The following BAIAP2 variants were observed in gnomAD, a reference collection of about 807,000 sequenced individuals.
BAIAP2 encodes the protein BAR/IMD domain containing adaptor protein 2.
BAIAP2 carries 18 observed loss-of-function variants against 63.0 expected under a neutral mutation model. The ratio of observed to expected loss-of-function variants is 0.29; its 90% confidence interval spans 0.20 to 0.42. BAIAP2 has a LOEUF of 0.42. Among genes scored for constraint, BAIAP2 ranks in the 10% least tolerant of loss-of-function variants. The pLI is 1.00. For synonymous variants in BAIAP2, 386 were observed against 307.6 expected (o/e 1.25, Z -2.67); for missense variants, 610 against 734.3 (o/e 0.83, Z 1.96).
chr17:81,062,561 C>T (rs550539531), intron 3 of BAIAP2, among the ~76,000 whole-genome samples: 2 of 152,246 alleles, frequency 1.3e-5, no homozygotes, highest in African/African-American at 2.4e-5. Flanking sequence ...CCTGCTCCCT[C>T]GTGGGCTGCT....
chr17:81,082,384 G>C (rs565550325), intron 3 of BAIAP2, among the ~76,000 whole-genome samples: 1 of 152,148 alleles, frequency 6.6e-6, no homozygotes, highest in Non-Finnish European at 1.5e-5. Flanking sequence ...CCCTCTTCAC[G>C]GTGGCCAGGC....
chr17:81,110,645 T>A, intron 13 of BAIAP2: 1 of 1,356,164 alleles, frequency 7.4e-7, no homozygotes, highest in Non-Finnish European at 9.6e-7. Flanking sequence ...TTGCACACGG[T>A]GCTGGCCCCA....
chr17:81,084,840 C>A lies in BAIAP2; in HGVS notation c.226C>A (p.Leu76Ile). Residue 76 changes from leucine to isoleucine, a missense_variant, in exon 4 of 14, where the codon CTC (leucine) becomes ATC (isoleucine). By Grantham distance (5) the Leu-to-Ile change is conservative. Around this residue, in one of 5 missense-constraint regions of BAIAP2, gnomAD observed 389 missense variants for 455.6 expected, o/e 0.85. Transcript: ENST00000428708. ...GCTGTTCTGCTTCCCAGGAGACGTT[C>A]TCTTCCAGATGGCTGAAGTCCACAG... ...SQGSKELGDV[L>I]FQMAEVHRQI... 6.2e-7 allele frequency: 1 copy of A among 1,613,826 alleles called. No homozygotes were observed. Among genetic ancestry groups the A allele is most frequent in the South Asian group, 1.1e-5 (1 of 91,086 alleles).
At chr17:81,036,961 G>T in intron 1 of BAIAP2, 3 of 1,535,748 alleles carry the variant, frequency 2.0e-6, no homozygotes, top group Non-Finnish European at 2.6e-6. Flanking sequence ...GTTGGCAGGG[G>T]GTGAGTACAT....
rs549618357 is a variant in BAIAP2, at chr17:81,106,737, C to T, written c.1338-8C>T. ...TGCTGGGCCGCCTCTGAGTCCCTGT[C>T]CCTACAGCCTGCAGCAAGGGAAGAG... is the stretch of plus-strand genomic sequence containing the variant. On this transcript the variant is annotated splice_polypyrimidine_tract_variant and splice_region_variant and intron_variant, in intron 11 of 13. Transcript: ENST00000428708. 19 of 1,612,536 alleles carry T rather than the reference C, an allele frequency of 1.2e-5. No homozygotes were observed. The South Asian group carries it at 1.3e-4, about 11-fold the overall frequency.
intron 1 of BAIAP2, among the ~76,000 whole-genome samples, chr17:81,038,247 C>T (rs960318985): frequency 2.0e-5 from 3 of 152,242 alleles, no homozygotes; most frequent in Admixed American, 6.5e-5. Context: ...GGGGAAGCCC[C>T]GTGCATCCCT....
chr17:81,051,646 C>T (rs1391015714), intron 1 of BAIAP2, among the ~76,000 whole-genome samples: 3 of 152,156 alleles, frequency 2.0e-5, no homozygotes, highest in East Asian at 1.9e-4. Context: ...CCTGCCTTGG[C>T]CTCCCAAAGC....
At chr17:81,102,209 A>C (rs2058587837) in intron 7 of BAIAP2, among the ~76,000 whole-genome samples, 1 of 151,924 alleles carries the variant, frequency 6.6e-6, no homozygotes, top group South Asian at 2.1e-4. Context: ...CTCCCAGGGC[A>C]GTTCGTAGTA....
At chr17:81,047,154 T>C (rs755964236) in intron 1 of BAIAP2, among the ~76,000 whole-genome samples, 2 of 152,114 alleles carry the variant, frequency 1.3e-5, no homozygotes, top group African/African-American at 2.4e-5. Flanking sequence ...TTCCTGATAT[T>C]ACTGGAATGT....
intron 3 of BAIAP2, among the ~76,000 whole-genome samples, chr17:81,079,135 C>T (rs996733801): frequency 1.3e-5 from 2 of 152,176 alleles, no homozygotes; most frequent in Non-Finnish European, 2.9e-5. Context: ...AGATGCTGGC[C>T]GGGCATGCCT....
chr17:81,098,062 C>G, intron 6 of BAIAP2: 1 of 1,247,808 alleles, frequency 8.0e-7, no homozygotes, highest in Non-Finnish European at 1.0e-6. Context: ...AGACCTCAGG[C>G]ACATGATCCC....
chr17:81,037,853 T>G (rs1331234956), intron 1 of BAIAP2, among the ~76,000 whole-genome samples: 1 of 152,272 alleles, frequency 6.6e-6, no homozygotes, highest in African/African-American at 2.4e-5. Flanking sequence ...CCTTGGTGAT[T>G]AAAAATGCGA....
At position 81,080,677 on chromosome 17, in the gene BAIAP2, G is replaced by A. The variant is rs548347267; in HGVS notation, c.218-4155G>A. Among the ~76,000 whole-genome samples, 26 of 152,324 alleles carry A rather than the reference G, an allele frequency of 1.7e-4. No individual in the cohort carries two copies. In the South Asian group the frequency reaches 5.0e-3, roughly 29 times the overall value. On this transcript the variant is annotated intron_variant, in intron 3 of 13. Transcript: ENST00000428708. ...TGTGTGTAGCCTTTTAGGGGAACACGTGCTTGTTATCTGGTCTTGACATTC... is the reference window on the plus strand; with the variant it reads ...TGTGTGTAGCCTTTTAGGGGAACACATGCTTGTTATCTGGTCTTGACATTC...
intron 1 of BAIAP2, among the ~76,000 whole-genome samples, chr17:81,051,423 C>G (rs1483570443): frequency 6.6e-6 from 1 of 152,172 alleles, no homozygotes; most frequent in Non-Finnish European, 1.5e-5. Flanking sequence ...TTTTTTGAGA[C>G]AGAGTCTCAC....
intron 6 of BAIAP2, among the ~76,000 whole-genome samples, chr17:81,093,021 C>T (rs373825178): frequency 1.1e-4 from 16 of 152,062 alleles, no homozygotes; most frequent in African/African-American, 3.9e-4. Context: ...GGGACGTGTC[C>T]ACATGCCCCA....
At chr17:81,088,287 A>C (rs1328108220) in intron 6 of BAIAP2, among the ~76,000 whole-genome samples, 1 of 151,372 alleles carries the variant, frequency 6.6e-6, no homozygotes, top group East Asian at 1.9e-4. Flanking sequence ...GGATGGGGAT[A>C]CTGAGGCCAG....
At chr17:81,093,949 C>T (rs758346590) in intron 6 of BAIAP2, among the ~76,000 whole-genome samples, 4 of 151,342 alleles carry the variant, frequency 2.6e-5, no homozygotes, top group Non-Finnish European at 4.4e-5. Context: ...CCACCACCCC[C>T]GTGAGGACAG....
At chr17:81,102,115 C>A (rs1481843848) in intron 7 of BAIAP2, among the ~76,000 whole-genome samples, 1 of 146,006 alleles carries the variant, frequency 6.8e-6, no homozygotes, top group Non-Finnish European at 1.5e-5. Flanking sequence ...TCGTGGGCCC[C>A]CGGGCGTGTG....
chr17:81,044,488 C>T (rs145498146), intron 1 of BAIAP2, among the ~76,000 whole-genome samples: 260 of 152,364 alleles, frequency 1.7e-3, no homozygotes, highest in Non-Finnish European at 2.2e-3. Flanking sequence ...AGGGCCCGCC[C>T]TAGTGACCCC....
Sources: allele counts gnomAD v4.1 joint callset (sites outside exome capture counted in the v4.1 genomes callset), GRCh38; gene constraint gnomAD v4.1.1; regional missense constraint gnomAD v4.1.1; transcripts MANE v1.5; gene names NCBI Gene and HGNC (gene_info 2026-07-23, HGNC 2026-07-21).